JAK2: variants seen among roughly 807,000 people sequenced by gnomAD.
JAK2 encodes tyrosine-protein kinase JAK2.
Under a neutral mutation model 139.3 loss-of-function variants are expected in JAK2, and 86 were observed. The observed-to-expected ratio is 0.62, with a 90% CI of 0.52 to 0.74. JAK2 has a LOEUF of 0.74. Ranked by LOEUF, JAK2 falls within the 30% of genes least tolerant of loss-of-function variation. The pLI is 0.00. For synonymous variants in JAK2, 490 were observed against 437.7 expected (o/e 1.12, Z -1.49); for missense variants, 1,421 against 1,360.3 (o/e 1.04, Z -0.70).
At chr9:5,032,897 A>C (rs941540160) in intron 4 of JAK2, among the ~76,000 whole-genome samples, 1 of 152,236 alleles carries the variant, frequency 6.6e-6, no homozygotes, top group Non-Finnish European at 1.5e-5. Flanking sequence ...CCGGATGGAG[A>C]ATGACTTTGA....
At chr9:5,006,501 T>C (rs1301681772) in intron 2 of JAK2, among the ~76,000 whole-genome samples, 1 of 152,154 alleles carries the variant, frequency 6.6e-6, no homozygotes, top group Non-Finnish European at 1.5e-5. Context: ...CTGGGTAGTT[T>C]TTAAAGAAAA....
intron 22 of JAK2, chr9:5,099,606 G>A (rs529139822): frequency 7.8e-4 from 118 of 152,230 alleles, no homozygotes; most frequent in African/African-American, 2.7e-3. Context: ...TACAATTCTA[G>A]GCCTACCAGC....
chr9:5,125,628 G>A (rs1007371847), intron 23 of JAK2, among the ~76,000 whole-genome samples: 1 of 151,224 alleles, frequency 6.6e-6, no homozygotes, highest in Non-Finnish European at 1.5e-5. Context: ...CAATGCATAG[G>A]GATGTACATT....
intron 8 of JAK2, among the ~76,000 whole-genome samples, chr9:5,056,920 T>C (rs778145837): frequency 2.0e-5 from 3 of 152,192 alleles, no homozygotes; most frequent in Non-Finnish European, 2.9e-5. Flanking sequence ...CTATTTAAAC[T>C]CAAATGCATG....
At chr9:5,020,001 T>G (rs1008657994) in intron 2 of JAK2, among the ~76,000 whole-genome samples, 1 of 152,172 alleles carries the variant, frequency 6.6e-6, no homozygotes, top group African/African-American at 2.4e-5. Context: ...GTCCAGGCAG[T>G]CCAATTTTTG....
intron 22 of JAK2, among the ~76,000 whole-genome samples, chr9:5,105,253 T>C (rs2130768658): frequency 6.6e-6 from 1 of 152,328 alleles, no homozygotes; most frequent in Admixed American, 6.5e-5. Flanking sequence ...CAAGCATTCC[T>C]ATACACCCAT....
chr9:5,077,944 G>C (rs765060423), intron 15 of JAK2, among the ~76,000 whole-genome samples: 4 of 152,084 alleles, frequency 2.6e-5, no homozygotes, highest in Admixed American at 2.0e-4. Flanking sequence ...AGAATACCAG[G>C]GGGACTGCCA....
chr9:5,129,395 A>G lies in JAK2; in HGVS notation c.*2604A>G, dbSNP rs11788164. 0.37 allele frequency among the ~76,000 whole-genome samples: 56,398 copies of G among 151,878 alleles called. 11,537 individuals carry two copies. Among genetic ancestry groups the G allele is most frequent in the African/African-American group, 0.56 (23,377 of 41,416 alleles). On this transcript the variant is annotated 3_prime_UTR_variant, in exon 25 of 25. Transcript: ENST00000381652. ...TTCCAGTTTTTAAGAAATGCTTCCT[A>G]CAACTGCTGTCAACCACTGTATTGT...
At chr9:5,070,637 A>G (rs936871340) in intron 12 of JAK2, among the ~76,000 whole-genome samples, 23 of 152,146 alleles carry the variant, frequency 1.5e-4, no homozygotes, top group African/African-American at 4.3e-4. Context: ...GCTGGAATGC[A>G]GAAATACTAT....
At chr9:5,093,338 GACATATGTTCAACGACCA>G (rs1364497865) in intron 22 of JAK2, among the ~76,000 whole-genome samples, 1 of 152,134 alleles carries the variant, frequency 6.6e-6, no homozygotes, top group Non-Finnish European at 1.5e-5. Flanking sequence ...CCTGCCCAGT[GACATATGTTCAACGACCA>G]CCATATCCTG....
chr9:5,033,366 T>C (rs1038372068), intron 4 of JAK2, among the ~76,000 whole-genome samples: 5 of 152,138 alleles, frequency 3.3e-5, no homozygotes, highest in Non-Finnish European at 5.9e-5. Flanking sequence ...CAGGCAAACA[T>C]TCAAATTCAG....
At chr9:4,993,852 G>A (rs1385803488) in intron 2 of JAK2, among the ~76,000 whole-genome samples, 4 of 152,194 alleles carry the variant, frequency 2.6e-5, no homozygotes, top group Admixed American at 6.5e-5. Flanking sequence ...TTCTCCCCAC[G>A]TCTGTGTGGG....
intron 22 of JAK2, among the ~76,000 whole-genome samples, chr9:5,106,841 T>G (rs999966629): frequency 1.3e-5 from 2 of 151,580 alleles, no homozygotes; most frequent in African/African-American, 4.9e-5. Context: ...TAGGTGGGAG[T>G]TGAACAATGA....
At chr9:5,002,125 CAA>C (rs1820961066) in intron 2 of JAK2, among the ~76,000 whole-genome samples, 2 of 151,758 alleles carry the variant, frequency 1.3e-5, no homozygotes, top group African/African-American at 4.8e-5. Context: ...TTTCTAAAAA[CAA>C]AGTTTTGGTT....
chr9:5,022,523 G>C (rs574994624), intron 3 of JAK2, among the ~76,000 whole-genome samples: 41 of 152,172 alleles, frequency 2.7e-4, no homozygotes, highest in Non-Finnish European at 5.0e-4. Flanking sequence ...ATTAAAGCTA[G>C]ATCCTGAGAG....
At position 5,129,055 on chromosome 9, in the gene JAK2, T is replaced by C. The variant is rs1436192039; in HGVS notation, c.*2264T>C. Among the ~76,000 whole-genome samples, 1 of 152,048 alleles carries C rather than the reference T, an allele frequency of 6.6e-6. No individual in the cohort carries two copies. The highest frequency in any genetic ancestry group is 1.5e-5 in the Non-Finnish European group (1 of 67,912). Reference sequence around the variant, plus strand: ...TATAATTTGCTATGGAAGAGTGTTCTTTTAACCTAAGGCTTCTAGTTTACA... The same window carrying C: ...TATAATTTGCTATGGAAGAGTGTTCCTTTAACCTAAGGCTTCTAGTTTACA... On this transcript the variant is annotated 3_prime_UTR_variant, in exon 25 of 25. Transcript: ENST00000381652.
chr9:5,011,536 A>G (rs1364873681), intron 2 of JAK2, among the ~76,000 whole-genome samples: 3 of 152,200 alleles, frequency 2.0e-5, no homozygotes, highest in Non-Finnish European at 4.4e-5. Flanking sequence ...CTTTATCTTC[A>G]TGCATTATAT....
At chr9:5,065,532 A>G (rs1017671717) in intron 9 of JAK2, among the ~76,000 whole-genome samples, 2 of 152,238 alleles carry the variant, frequency 1.3e-5, no homozygotes, top group Non-Finnish European at 2.9e-5. Flanking sequence ...CACAGCAGCC[A>G]CTAGCTACAT....
At chr9:5,082,783 C>T (rs943606995) in intron 19 of JAK2, among the ~76,000 whole-genome samples, 1 of 152,244 alleles carries the variant, frequency 6.6e-6, no homozygotes, top group Non-Finnish European at 1.5e-5. Flanking sequence ...TGCCTGTACA[C>T]ATTTTGTTAA....
Sources: allele counts gnomAD v4.1 joint callset (sites outside exome capture counted in the v4.1 genomes callset), GRCh38; gene constraint gnomAD v4.1.1; transcripts MANE v1.5; gene names NCBI Gene and HGNC (gene_info 2026-07-23, HGNC 2026-07-21).